IQSEC1: variants seen among roughly 807,000 people sequenced by gnomAD.
IQSEC1 encodes IQ motif and Sec7 domain ArfGEF 1, also known as IQ motif and SEC7 domain-containing protein 1.
In IQSEC1, 31 loss-of-function variants were observed where a neutral mutation model predicts 91.0. The ratio of observed to expected loss-of-function variants is 0.34; its 90% confidence interval spans 0.26 to 0.46. IQSEC1 has a LOEUF of 0.46. Among genes scored for constraint, IQSEC1 ranks in the 20% least tolerant of loss-of-function variants. The pLI is 1.00. For missense variants in IQSEC1, 1,388 were observed against 1,575.6 expected (o/e 0.88, Z 2.02); for synonymous variants, 699 against 662.6 (o/e 1.05, Z -0.84).
intron 1 of IQSEC1, among the ~76,000 whole-genome samples, chr3:13,034,134 A>G (rs965495655): frequency 2.0e-5 from 3 of 152,192 alleles, no homozygotes; most frequent in African/African-American, 7.2e-5. Flanking sequence ...TCAGGGAGAC[A>G]CTTTTCAGCC....
chr3:13,137,590 G>A (rs1706731530), intron 2 of IQSEC1, among the ~76,000 whole-genome samples: 1 of 152,220 alleles, frequency 6.6e-6, no homozygotes, highest in Admixed American at 6.5e-5. Flanking sequence ...ACACACGGGT[G>A]CAAATCATTG....
chr3:12,986,296 G>A (rs1701730622), intron 1 of IQSEC1, among the ~76,000 whole-genome samples: 1 of 152,172 alleles, frequency 6.6e-6, no homozygotes, highest in African/African-American at 2.4e-5. Flanking sequence ...AGAGTTCCCT[G>A]GAGCCCCAGG....
chr3:13,083,018 C>T (rs370724805), intron 2 of IQSEC1, among the ~76,000 whole-genome samples: 74 of 152,300 alleles, frequency 4.9e-4, no homozygotes, highest in African/African-American at 1.7e-3. Flanking sequence ...TCACAGTCGT[C>T]GACCTGAGAA....
At chr3:13,278,202 A>C (rs1265091786) in intron 1 of IQSEC1, among the ~76,000 whole-genome samples, 5 of 152,190 alleles carry the variant, frequency 3.3e-5, no homozygotes, top group Non-Finnish European at 5.9e-5. Context: ...ACAGCACTTA[A>C]GGGCTGGAGG....
chr3:13,099,555 C>T lies in IQSEC1; in HGVS notation c.303-52033G>A, dbSNP rs558538225. Among the ~76,000 whole-genome samples, 6 of 152,202 alleles carry T rather than the reference C, an allele frequency of 3.9e-5. No individual in the cohort carries two copies. In the East Asian group the frequency reaches 7.7e-4, roughly 20 times the overall value. On this transcript the variant is annotated intron_variant, in intron 2 of 15. Coordinates refer to the IQSEC1 transcript ENST00000648114. ...GCCCACCTCACTCAGGCTGGCAGAG[C>T]GCGGTGGCCATGGAAACGCAAGCCA...
chr3:13,131,513 G>A (rs1358963096), intron 2 of IQSEC1, among the ~76,000 whole-genome samples: 1 of 112,066 alleles, frequency 8.9e-6, no homozygotes, highest in Non-Finnish European at 1.7e-5. Flanking sequence ...TTGATACTGA[G>A]CCTCACTTTG....
intron 1 of IQSEC1, among the ~76,000 whole-genome samples, chr3:13,219,867 A>G (rs1694624171): frequency 6.6e-6 from 1 of 152,186 alleles, no homozygotes; most frequent in South Asian, 2.1e-4. Context: ...TTATTTCCTT[A>G]ATGCCACTGC....
At chr3:13,025,269 T>G (rs906870719) in intron 1 of IQSEC1, among the ~76,000 whole-genome samples, 1 of 152,242 alleles carries the variant, frequency 6.6e-6, no homozygotes, top group Non-Finnish European at 1.5e-5. Flanking sequence ...AGCCGGGCTC[T>G]GCAGAGAACT....
At chr3:13,086,279 T>C (rs1705733786) in intron 2 of IQSEC1, among the ~76,000 whole-genome samples, 1 of 152,154 alleles carries the variant, frequency 6.6e-6, no homozygotes, top group Admixed American at 6.6e-5. Context: ...TGACAGGAGA[T>C]GATGCCGGTT....
At chr3:13,171,753 A>G in intron 1 of IQSEC1, among the ~76,000 whole-genome samples, 1 of 152,264 alleles carries the variant, frequency 6.6e-6, no homozygotes, top group African/African-American at 2.4e-5. Context: ...TTAAAATAAA[A>G]CCAAATCCTC....
intron 1 of IQSEC1, among the ~76,000 whole-genome samples, chr3:13,038,841 G>A (rs903957667): frequency 2.0e-5 from 3 of 152,106 alleles, no homozygotes; most frequent in Non-Finnish European, 4.4e-5. Flanking sequence ...TTCACATTGC[G>A]TGCCTGTGTC....
chr3:13,093,145 T>A (rs2125142970), intron 2 of IQSEC1, among the ~76,000 whole-genome samples: 1 of 152,258 alleles, frequency 6.6e-6, no homozygotes, highest in Non-Finnish European at 1.5e-5. Context: ...CAGGGCACAG[T>A]CTGTGGTTTC....
intron 1 of IQSEC1, among the ~76,000 whole-genome samples, chr3:13,197,665 C>A (rs1158858659): frequency 6.6e-6 from 1 of 152,200 alleles, no homozygotes; most frequent in African/African-American, 2.4e-5. Context: ...CAGCATCCCA[C>A]CTTACGACCA....
At chr3:12,906,219 A>T (rs1021827548) in intron 12 of IQSEC1, among the ~76,000 whole-genome samples, 1 of 152,152 alleles carries the variant, frequency 6.6e-6, no homozygotes. Context: ...CGTGTCAAAC[A>T]TGGAGGGGAC....
chr3:12,951,404 C>T (rs969066076), intron 1 of IQSEC1, among the ~76,000 whole-genome samples: 3 of 150,540 alleles, frequency 2.0e-5, no homozygotes, highest in South Asian at 2.1e-4. Context: ...GAGTGAAACT[C>T]GGAGTGTACT....
rs1447783148 is a variant in IQSEC1 at position 12,967,388 on chromosome 3, C to T, written c.24-25523G>A. 7 of 1,534,494 alleles carry T rather than the reference C, an allele frequency of 4.6e-6. No individual in the cohort carries two copies. The African/African-American group carries it at 9.7e-5, about 21-fold the overall frequency. The stretch of plus-strand genomic sequence containing the variant: ...GCTCGCCCCGCGCCGCGCCCTCACC[C>T]GCTGTCAAGCTCTAGCTCCAGAAGG... On this transcript the variant is annotated intron_variant, in intron 1 of 13. Coordinates refer to ENST00000613206, the MANE Select transcript of IQSEC1 (RefSeq NM_001134382.3). This position sits in a 1 kb window ranked among gnomAD's most constrained non-coding sequence, Gnocchi z 5.9.
At chr3:12,928,058 T>A (rs938076469) in intron 3 of IQSEC1, among the ~76,000 whole-genome samples, 1 of 151,974 alleles carries the variant, frequency 6.6e-6, no homozygotes, top group Non-Finnish European at 1.5e-5. Flanking sequence ...GGGTCCTAAG[T>A]CCACAAGAGC....
chr3:13,120,821 A>G (rs1457230232), intron 2 of IQSEC1, among the ~76,000 whole-genome samples: 1 of 152,178 alleles, frequency 6.6e-6, no homozygotes, highest in East Asian at 1.9e-4. Context: ...AGAGGGCCAA[A>G]CCGGTCACCT....
intron 1 of IQSEC1, among the ~76,000 whole-genome samples, chr3:13,170,137 TGGTGCTCTGCCTC>T: frequency 6.6e-6 from 1 of 152,300 alleles, no homozygotes; most frequent in East Asian, 1.9e-4. Context: ...CCTAGGGACT[TGGTGCTCTGCCTC>T]CCAGCCATTC....
Sources: allele counts gnomAD v4.1 joint callset (sites outside exome capture counted in the v4.1 genomes callset), GRCh38; gene constraint gnomAD v4.1.1; non-coding constraint Gnocchi (gnomAD v3.1); transcripts MANE v1.5; gene names NCBI Gene and HGNC (gene_info 2026-07-23, HGNC 2026-07-21).